Variants in GCNT4 observed in about 807,000 individuals in gnomAD.
GCNT4 encodes the protein beta-1,3-galactosyl-O-glycosyl-glycoprotein beta-1,6-N-acetylglucosaminyltransferase 4.
Under a neutral mutation model 31.3 loss-of-function variants are expected in GCNT4, and 17 were observed. That is an observed-to-expected ratio of 0.54 (90% confidence interval 0.37 to 0.81). The LOEUF (loss-of-function observed/expected upper bound fraction) is 0.81. GCNT4 is among the 40% of genes least tolerant of loss of function. GCNT4 has a pLI of 0.00. For synonymous variants in GCNT4, 158 were observed against 190.6 expected, an observed-to-expected ratio of 0.83 and a Z score of 1.41; for missense variants, 503 against 525.5, an observed-to-expected ratio of 0.96 and a Z score of 0.42.
In GCNT4 at chr5:75,026,581, C is replaced by T. The variant is rs1351962680; in HGVS notation, c.*2095G>A. On this transcript the variant is annotated 3_prime_UTR_variant, in exon 4 of 4. Coordinates refer to ENST00000652361, the MANE Select transcript of GCNT4 (RefSeq NM_001366737.1). Reference sequence around the variant, plus strand: ...TACTACTACAGGTATCACTCTCTGACATTGAAATGTCAATAGTTTGTACCT... The same window carrying T: ...TACTACTACAGGTATCACTCTCTGATATTGAAATGTCAATAGTTTGTACCT... 7.5e-6 allele frequency: 1 copy of T among 133,028 alleles called. No individual in the cohort carries two copies. Among genetic ancestry groups the T allele is most frequent in the Middle Eastern group, 4.2e-3 (1 of 238 alleles). 8.2% of individuals were successfully genotyped at this position (133,028 alleles called of 1,614,324 possible). A position where few individuals can be genotyped will look rare whatever the true frequency, so the allele number is the denominator to read the frequency against.
chr5:75,037,650 G>A (rs1743227853), intron 3 of GCNT4, among the ~76,000 whole-genome samples: 1 of 152,084 alleles, frequency 6.6e-6, no homozygotes, highest in South Asian at 2.1e-4. Flanking sequence ...TGGCCTGAGT[G>A]CAGATCACCT....
rs202210479 is a variant in GCNT4 at position 75,030,045 on chromosome 5, G to A, written c.-1-7C>T. The A allele has an allele frequency of 1.4e-3, 2,278 of 1,575,612 alleles. 4 individuals carry two copies. The highest frequency in any genetic ancestry group is 1.6e-3 in the Non-Finnish European group (1,869 of 1,164,090). Reference sequence around the variant, plus strand: ...ACATTTGAATATCTTCATTCTGTAAGAGGAGAAAGAAATAATCCAGTTGGA... The same window carrying A: ...ACATTTGAATATCTTCATTCTGTAAAAGGAGAAAGAAATAATCCAGTTGGA... On this transcript the variant is annotated splice_region_variant and splice_polypyrimidine_tract_variant and intron_variant, in intron 3 of 3. Coordinates refer to ENST00000652361, the MANE Select transcript of GCNT4 (RefSeq NM_001366737.1).
chr5:75,049,637 AG>A (rs1743522355), intron 2 of GCNT4, among the ~76,000 whole-genome samples: 1 of 152,238 alleles, frequency 6.6e-6, no homozygotes. Flanking sequence ...AAATTGCTTG[AG>A]AAAAGTCTGT....
chr5:75,037,089 G>T (rs561775030), intron 3 of GCNT4, among the ~76,000 whole-genome samples: 1 of 152,260 alleles, frequency 6.6e-6, no homozygotes, highest in South Asian at 2.1e-4. Context: ...GCCTTACTAA[G>T]AAGAATCACC....
chr5:75,026,507 C>T lies in GCNT4; in HGVS notation c.*2169G>A, dbSNP rs954242085. 3 of 152,074 alleles carry T rather than the reference C, an allele frequency of 2.0e-5. No homozygotes were observed. The highest frequency in any genetic ancestry group is 4.4e-5 in the Non-Finnish European group (3 of 68,012). The allele number at this position is 152,074 out of a possible 1,614,324, so 9.4% of individuals were successfully genotyped here. On this transcript the variant is annotated 3_prime_UTR_variant, in exon 4 of 4. Transcript: ENST00000652361. ...CTCTCTTTATATTTCAATAGTTTTT[C>T]AGAAAAGGTAAATGTTTAAGCCTTT...
rs532037268 is a variant in GCNT4 at position 75,027,843 on chromosome 5, G to A, written c.*833C>T. The A allele has an allele frequency of 6.3e-4, 65 of 103,596 alleles. No individual in the cohort carries two copies. Among genetic ancestry groups the A allele is most frequent in the Non-Finnish European group, 5.4e-5 (3 of 55,802 alleles). The allele number at this position is 103,596 out of a possible 1,614,324, so 6.4% of individuals were successfully genotyped here. A position where few individuals can be genotyped will look rare whatever the true frequency, so the allele number is the denominator to read the frequency against. On this transcript the variant is annotated 3_prime_UTR_variant, in exon 4 of 4. Transcript: ENST00000652361. Reference sequence around the variant, plus strand: ...GGACTTAGGCTTAATGTTCTGGTGTGTGACACTTGGAGCTATTGGTCAGTT... The same window carrying A: ...GGACTTAGGCTTAATGTTCTGGTGTATGACACTTGGAGCTATTGGTCAGTT...
intron 3 of GCNT4, among the ~76,000 whole-genome samples, chr5:75,033,678 T>TTA (rs1743129474): frequency 8.1e-4 from 102 of 125,814 alleles, no homozygotes; most frequent in African/African-American, 2.6e-3. Flanking sequence ...TATTTATTTT[T>TTA]TTTTTTTTAC....
chr5:75,053,585 G>A (rs1277695487), upstream of GCNT4, among the ~76,000 whole-genome samples: 1 of 152,112 alleles, frequency 6.6e-6, no homozygotes, highest in Non-Finnish European at 1.5e-5. Flanking sequence ...GGGGCCGAGG[G>A]TTGCGCTCTG....
Position 75,030,044 on chromosome 5 carries a change from A to T in GCNT4, c.-1-6T>A, listed in dbSNP as rs1743028508. The T allele has an allele frequency of 6.3e-7, 1 of 1,575,756 alleles. No homozygotes were observed. Among genetic ancestry groups the T allele is most frequent in the Admixed American group, 1.9e-5 (1 of 52,984 alleles). On this transcript the variant is annotated splice_region_variant and splice_polypyrimidine_tract_variant and intron_variant, in intron 3 of 3. Coordinates refer to ENST00000652361, the MANE Select transcript of GCNT4 (RefSeq NM_001366737.1). ...AACATTTGAATATCTTCATTCTGTA[A>T]GAGGAGAAAGAAATAATCCAGTTGG...
intron 3 of GCNT4, among the ~76,000 whole-genome samples, chr5:75,036,995 T>C (rs183843861): frequency 6.6e-6 from 1 of 152,352 alleles, no homozygotes; most frequent in African/African-American, 2.4e-5. Context: ...TTCTTAAACT[T>C]TGTATTATTA....
At chr5:75,036,285 T>C (rs554016636) in intron 3 of GCNT4, among the ~76,000 whole-genome samples, 1 of 152,214 alleles carries the variant, frequency 6.6e-6, no homozygotes, top group Non-Finnish European at 1.5e-5. Flanking sequence ...CTATTCTAAG[T>C]ACTCTAGATG....
intron 3 of GCNT4, among the ~76,000 whole-genome samples, chr5:75,044,344 A>G (rs1181888086): frequency 1.3e-5 from 2 of 150,706 alleles, no homozygotes; most frequent in Non-Finnish European, 3.0e-5. Flanking sequence ...GACCCCCTCC[A>G]TGTTACCTTC....
At chr5:75,045,975 T>C (rs1743429665) in intron 3 of GCNT4, among the ~76,000 whole-genome samples, 3 of 152,176 alleles carry the variant, frequency 2.0e-5, no homozygotes, top group Admixed American at 2.0e-4. Context: ...TGATGTTGAA[T>C]GGATGTTCAA....
chr5:75,049,953 T>C (rs4597948), intron 2 of GCNT4, among the ~76,000 whole-genome samples: 17,190 of 152,280 alleles, frequency 0.11, 1,067 homozygotes, highest in East Asian at 0.22. Flanking sequence ...GAGCACTTTA[T>C]GTGCTTGCAT....
the GCNT4 span, among the ~76,000 whole-genome samples, chr5:75,017,762 G>A: frequency 6.6e-6 from 1 of 152,162 alleles, no homozygotes. Context: ...GAATCTCTCT[G>A]CTGGCCACCC....
chr5:75,052,572 C>A (rs958767809), upstream of GCNT4: 1 of 152,226 alleles, frequency 6.6e-6, no homozygotes, highest in African/African-American at 2.4e-5. Context: ...GCACAAAAAA[C>A]TTGACCTTAA....
At chr5:75,053,707 G>T (rs191983896), upstream of GCNT4, among the ~76,000 whole-genome samples, 227 of 152,084 alleles carry the variant, frequency 1.5e-3, no homozygotes, top group Non-Finnish European at 2.0e-3. Flanking sequence ...CCCCCGTGAC[G>T]TGCGGAGAAA....
At position 75,029,709 on chromosome 5, in the gene GCNT4, C is replaced by A. The variant is rs763171113; in HGVS notation, c.329G>T (p.Cys110Phe). The A allele has an allele frequency of 1.3e-5, 21 of 1,614,012 alleles. No individual in the cohort carries two copies. Among genetic ancestry groups the A allele is most frequent in the Non-Finnish European group, 1.8e-5 (21 of 1,180,026 alleles). Residue 110 changes from cysteine (C) to phenylalanine (F), a missense_variant, in exon 4 of 4, where the codon TGT (cysteine) becomes TTT (phenylalanine). By Grantham distance (205) the Cys-to-Phe change is radical. Coordinates refer to ENST00000652361, the MANE Select transcript of GCNT4 (RefSeq NM_001366737.1). ...DDDVVAMTSDCDIYQTLRGYA... is the reference protein window; with the variant it reads ...DDDVVAMTSDFDIYQTLRGYA... ...ACCTCTTAGAGTCTGATAAATGTCA[C>A]AATCACTGGTCATTGCCACAACATC...
chr5:75,034,345 G>C (rs560777645), intron 3 of GCNT4, among the ~76,000 whole-genome samples: 3 of 152,354 alleles, frequency 2.0e-5, no homozygotes, highest in Non-Finnish European at 2.9e-5. Context: ...AGTTGCAGGG[G>C]GTGGAGGTGG....
Sources: gnomAD v4.1 joint callset for allele counts (sites outside exome capture counted in the v4.1 genomes callset) on GRCh38, gnomAD v4.1.1 for gene constraint, MANE v1.5 for transcripts, NCBI Gene and HGNC (gene_info 2026-07-23, HGNC 2026-07-21) for gene names.